HS6ST2: variants seen among roughly 807,000 people sequenced by gnomAD.
The protein encoded by HS6ST2 is heparan-sulfate 6-O-sulfotransferase 2.
Under a neutral mutation model 33.0 loss-of-function variants are expected in HS6ST2, and 17 were observed. That is an observed-to-expected ratio of 0.52 (90% CI 0.35 to 0.77). HS6ST2 has a LOEUF of 0.77. Ranked by LOEUF, HS6ST2 falls within the 30% of genes least tolerant of loss-of-function variation. HS6ST2 has a pLI of 0.01. For synonymous variants in HS6ST2, 248 were observed against 237.1 expected, an observed-to-expected ratio of 1.05 and a Z score of -0.42; for missense variants, 519 against 551.7, an observed-to-expected ratio of 0.94 and a Z score of 0.59.
chrX:132,641,307 C>G (rs1275096688), intron 4 of HS6ST2, among the ~76,000 whole-genome samples: 1 of 111,699 alleles, frequency 9.0e-6, no homozygotes, highest in Non-Finnish European at 1.9e-5. Context: ...CAATGCCCAG[C>G]TGATTTTTGT....
At chrX:132,895,524 A>AT (rs1333511385) in intron 2 of HS6ST2, among the ~76,000 whole-genome samples, 224 of 111,393 alleles carry the variant, frequency 2.0e-3, no homozygotes, top group Non-Finnish European at 2.7e-3. Context: ...TCATTTGTAT[A>AT]TTTGTGTGTA....
intron 2 of HS6ST2, among the ~76,000 whole-genome samples, chrX:132,722,622 T>G (rs912182275): frequency 8.9e-6 from 1 of 111,772 alleles, no homozygotes; most frequent in African/African-American, 3.2e-5. Flanking sequence ...ATAATAAAAC[T>G]AATAGAGTCC....
chrX:132,958,534 G>T lies in HS6ST2; in HGVS notation c.69C>A (p.Val23=). 1 of 1,184,792 alleles carries T rather than the reference G, an allele frequency of 8.4e-7. No individual in the cohort carries two copies. The change falls in exon 1 of 5, where the codon GTC becomes GTA. Residue 23 remains valine (V), a synonymous_variant. Transcript: ENST00000370833. Reference sequence around the variant, plus strand: ...AATGCCGGCGGGGACAGGTGGTGCGGACGGGCGCTCCTCGCTCCGGTTGCC... The same window carrying T: ...AATGCCGGCGGGGACAGGTGGTGCGTACGGGCGCTCCTCGCTCCGGTTGCC... ...PPRQPERGAP[V]RTTCPRRHSR...
intron 3 of HS6ST2, among the ~76,000 whole-genome samples, chrX:132,672,556 G>A (rs2063892538): frequency 9.0e-6 from 1 of 111,135 alleles, no homozygotes; most frequent in African/African-American, 3.3e-5. Context: ...TCTCTCTAGT[G>A]CCTCACAACC....
intron 2 of HS6ST2, among the ~76,000 whole-genome samples, chrX:132,944,441 T>G (rs1211173266): frequency 9.0e-6 from 1 of 111,647 alleles, no homozygotes; most frequent in South Asian, 3.8e-4. Context: ...AGGTAATTTA[T>G]AGATTCAATG....
At chrX:132,637,748 AT>A (rs1243419890) in intron 4 of HS6ST2, among the ~76,000 whole-genome samples, 129 of 78,721 alleles carry the variant, frequency 1.6e-3, no homozygotes, top group Middle Eastern at 5.8e-3. Context: ...TATATAAAAA[AT>A]ATATATATAA....
At chrX:132,711,199 A>G (rs2064228853) in intron 2 of HS6ST2, among the ~76,000 whole-genome samples, 1 of 112,018 alleles carries the variant, frequency 8.9e-6, no homozygotes, top group African/African-American at 3.2e-5. Flanking sequence ...GAGTAATGGG[A>G]ATAGCGGGAG....
intron 2 of HS6ST2, among the ~76,000 whole-genome samples, chrX:132,806,098 C>G (rs762622950): frequency 9.1e-6 from 1 of 110,154 alleles, no homozygotes; most frequent in Admixed American, 9.7e-5. Context: ...CATTCACAAC[C>G]AACCCAGAGT....
chrX:132,658,729 T>C, intron 4 of HS6ST2, among the ~76,000 whole-genome samples: 1 of 112,146 alleles, frequency 8.9e-6, no homozygotes, highest in Non-Finnish European at 1.9e-5. Flanking sequence ...TTAAATGAAA[T>C]AACAAAAGAG....
At chrX:132,745,206 C>G (rs765608219) in intron 2 of HS6ST2, among the ~76,000 whole-genome samples, 6 of 111,590 alleles carry the variant, frequency 5.4e-5, no homozygotes, top group African/African-American at 2.0e-4. Context: ...CTGCCTCAGC[C>G]TCCTGAATAG....
chrX:132,840,956 T>G (rs1410440444), intron 2 of HS6ST2, among the ~76,000 whole-genome samples: 1 of 112,399 alleles, frequency 8.9e-6, no homozygotes, highest in Non-Finnish European at 1.9e-5. Flanking sequence ...TGGAAAGCAG[T>G]AGGCTTACAG....
At chrX:132,696,210 CT>C (rs1285583613) in intron 3 of HS6ST2, among the ~76,000 whole-genome samples, 1 of 111,796 alleles carries the variant, frequency 8.9e-6, no homozygotes, top group Admixed American at 9.5e-5. Context: ...ATGATTTGGG[CT>C]TTGTTCTATT....
At chrX:132,761,137 A>C (rs1479145562) in intron 2 of HS6ST2, among the ~76,000 whole-genome samples, 1 of 111,783 alleles carries the variant, frequency 8.9e-6, no homozygotes, top group Non-Finnish European at 1.9e-5. Flanking sequence ...GCCTGCAGAG[A>C]CCTGGCTAAC....
intron 4 of HS6ST2, among the ~76,000 whole-genome samples, chrX:132,663,712 A>G (rs1178472078): frequency 8.9e-6 from 1 of 112,228 alleles, no homozygotes; most frequent in Non-Finnish European, 1.9e-5. Flanking sequence ...TGGCCAGTGG[A>G]TTGCTATCTT....
intron 2 of HS6ST2, among the ~76,000 whole-genome samples, chrX:132,727,293 T>G (rs1187074514): frequency 4.6e-5 from 5 of 109,745 alleles, no homozygotes; most frequent in African/African-American, 1.7e-4. Context: ...CATTCATTCA[T>G]TCAGCAAACA....
chrX:132,860,557 T>C (rs1390984857), intron 2 of HS6ST2, among the ~76,000 whole-genome samples: 1 of 111,787 alleles, frequency 8.9e-6, no homozygotes, highest in African/African-American at 3.3e-5. Flanking sequence ...GAGGAGTACA[T>C]GTCTGAGGGC....
chrX:132,818,155 G>A (rs968396792), intron 2 of HS6ST2, among the ~76,000 whole-genome samples: 1 of 110,403 alleles, frequency 9.1e-6, no homozygotes, highest in Non-Finnish European at 1.9e-5. Flanking sequence ...CCTAATACAC[G>A]TGTGCCCCAA....
At chrX:132,744,940 G>GT (rs964287112) in intron 2 of HS6ST2, among the ~76,000 whole-genome samples, 12 of 111,854 alleles carry the variant, frequency 1.1e-4, no homozygotes, top group African/African-American at 3.9e-4. Context: ...TATGATTTGG[G>GT]TTTTTTTGTT....
At chrX:132,816,830 C>T (rs1222570859) in intron 2 of HS6ST2, among the ~76,000 whole-genome samples, 1 of 111,547 alleles carries the variant, frequency 9.0e-6, no homozygotes, top group Non-Finnish European at 1.9e-5. Context: ...CAGCTGGGTT[C>T]TGTGCCTCAG....
Sources: gnomAD v4.1 joint callset for allele counts (sites outside exome capture counted in the v4.1 genomes callset) on GRCh38, gnomAD v4.1.1 for gene constraint, MANE v1.5 for transcripts, NCBI Gene and HGNC (gene_info 2026-07-23, HGNC 2026-07-21) for gene names.